RNF13: variants seen among roughly 807,000 people sequenced by gnomAD.
The protein encoded by RNF13 is E3 ubiquitin-protein ligase RNF13.
In RNF13, 19 loss-of-function variants were observed where a neutral mutation model predicts 37.7. That is an observed-to-expected ratio of 0.50 (90% CI 0.35 to 0.74). RNF13 has a LOEUF of 0.74. Among genes scored for constraint, RNF13 ranks in the 30% least tolerant of loss-of-function variants. The pLI, the probability that RNF13 is intolerant of heterozygous loss-of-function variation, is 0.01. For missense variants in RNF13, 375 were observed against 453.0 expected (o/e 0.83, Z 1.56); for synonymous variants, 144 against 157.8 (o/e 0.91, Z 0.65).
At chr3:149,875,033 T>TCA (rs1712527390) in intron 4 of RNF13, among the ~76,000 whole-genome samples, 1 of 152,148 alleles carries the variant, frequency 6.6e-6, no homozygotes, top group African/African-American at 2.4e-5. Context: ...CAGTAGTGGT[T>TCA]CATTCATGTA....
intron 8 of RNF13, among the ~76,000 whole-genome samples, chr3:149,938,489 T>A (rs1719931513): frequency 6.8e-6 from 1 of 146,050 alleles, no homozygotes; most frequent in African/African-American, 2.5e-5. Flanking sequence ...TTATTATTAT[T>A]TTTTTTTTTT....
chr3:149,869,387 C>T (rs1711729955), intron 3 of RNF13, among the ~76,000 whole-genome samples: 1 of 151,756 alleles, frequency 6.6e-6, no homozygotes, highest in South Asian at 2.1e-4. Flanking sequence ...GGGCGGATCA[C>T]AAGGTCAGGA....
intron 3 of RNF13, among the ~76,000 whole-genome samples, chr3:149,862,930 A>T (rs1165106712): frequency 1.3e-5 from 2 of 152,206 alleles, no homozygotes; most frequent in Non-Finnish European, 2.9e-5. Flanking sequence ...AAAATAATTC[A>T]TTATATTTTA....
intron 8 of RNF13, among the ~76,000 whole-genome samples, chr3:149,929,914 G>A (rs972206795): frequency 5.9e-5 from 9 of 152,036 alleles, no homozygotes; most frequent in African/African-American, 2.2e-4. Context: ...ACACCGCCTT[G>A]ATTACTGTAC....
chr3:149,927,212 G>C (rs1718740909), intron 8 of RNF13, among the ~76,000 whole-genome samples: 1 of 152,078 alleles, frequency 6.6e-6, no homozygotes, highest in African/African-American at 2.4e-5. Flanking sequence ...GACTACTGTA[G>C]GTACCTCACG....
At chr3:149,947,274 A>G (rs1027424363) in intron 8 of RNF13, among the ~76,000 whole-genome samples, 4 of 151,996 alleles carry the variant, frequency 2.6e-5, no homozygotes, top group Admixed American at 1.3e-4. Context: ...GTTAGTTCCA[A>G]TTGGTCTAAA....
intron 7 of RNF13, among the ~76,000 whole-genome samples, chr3:149,914,767 G>A (rs780526343): frequency 1.6e-4 from 24 of 151,816 alleles, no homozygotes; most frequent in Admixed American, 1.3e-3. Context: ...GTGAAACCGC[G>A]TCTCTACTAA....
intron 1 of RNF13, among the ~76,000 whole-genome samples, chr3:149,824,666 CT>C (rs549476269): frequency 5.7e-4 from 80 of 139,206 alleles, no homozygotes; most frequent in South Asian, 6.8e-4. Flanking sequence ...TCCTTTGGGG[CT>C]TTTTTTTTTT....
chr3:149,960,726 T>C lies in RNF13; in HGVS notation c.782-14T>C, dbSNP rs776616366. The C allele has an allele frequency of 5.7e-6, 9 of 1,585,488 alleles. No homozygotes were observed. The highest frequency in any genetic ancestry group is 4.1e-5 in the African/African-American group (3 of 73,314). Reference sequence around the variant, plus strand: ...GCAGCATACTAACTAAAGATGTATATTTTGCTTCAACAGCTTATCACTGCA... The same window carrying C: ...GCAGCATACTAACTAAAGATGTATACTTTGCTTCAACAGCTTATCACTGCA... On this transcript the variant is annotated splice_polypyrimidine_tract_variant and intron_variant, in intron 9 of 9. Transcript: ENST00000392894.
intron 1 of RNF13, among the ~76,000 whole-genome samples, chr3:149,830,173 T>G (rs1401293718): frequency 3.6e-5 from 3 of 83,482 alleles, no homozygotes; most frequent in Non-Finnish European, 7.0e-5. Context: ...GCTATTAAGA[T>G]ACCAGAAAAC....
intron 2 of RNF13, among the ~76,000 whole-genome samples, chr3:149,850,014 G>A (rs1722988718): frequency 6.7e-6 from 1 of 148,524 alleles, no homozygotes; most frequent in South Asian, 2.1e-4. Flanking sequence ...GAGTCTTGCT[G>A]TGTTGCCCAA....
intron 1 of RNF13, among the ~76,000 whole-genome samples, chr3:149,826,351 A>G (rs1392075898): frequency 1.3e-5 from 2 of 152,216 alleles, no homozygotes; most frequent in African/African-American, 4.8e-5. Context: ...TCTTTTGAGT[A>G]TAATTAAAGG....
At chr3:149,938,488 T>TTA (rs1057291851) in intron 8 of RNF13, among the ~76,000 whole-genome samples, 76 of 134,928 alleles carry the variant, frequency 5.6e-4, no homozygotes, top group African/African-American at 2.3e-3. Flanking sequence ...GTTATTATTA[T>TTA]TTTTTTTTTT....
Position 149,821,804 on chromosome 3 carries a change from C to T in RNF13, c.-17+8451C>T, listed in dbSNP as rs138206690. Among the ~76,000 whole-genome samples the T allele has an allele frequency of 2.8e-3, 429 of 152,208 alleles. 2 individuals are homozygous for T. Among genetic ancestry groups the T allele is most frequent in the African/African-American group, 9.9e-3 (410 of 41,536 alleles). On this transcript the variant is annotated intron_variant, in intron 1 of 9. Coordinates refer to ENST00000392894, the MANE Select transcript of RNF13 (RefSeq NM_183381.3). ...ATAATTTTACTCCTTATATTTAGGTCACTGATTCATTTTGTGTTAATTGTT... is the reference window on the plus strand; with the variant it reads ...ATAATTTTACTCCTTATATTTAGGTTACTGATTCATTTTGTGTTAATTGTT...
In RNF13 at chr3:149,926,460, T is replaced by C. The variant is rs1181797950; in HGVS notation, c.700+5233T>C. On this transcript the variant is annotated intron_variant, in intron 8 of 9. Coordinates refer to ENST00000392894, the MANE Select transcript of RNF13 (RefSeq NM_183381.3). Reference sequence around the variant, plus strand: ...CTCCTGACCTCATGATCTGCCCACCTTGGCCTCCCAAAGTGCTGGGATTAC... The same window carrying C: ...CTCCTGACCTCATGATCTGCCCACCCTGGCCTCCCAAAGTGCTGGGATTAC... Among the ~76,000 whole-genome samples the C allele has an allele frequency of 2.6e-5, 4 of 152,172 alleles. No homozygotes were observed. In the East Asian group the frequency reaches 5.8e-4, roughly 22 times the overall value.
chr3:149,947,469 A>G (rs1352008345), intron 8 of RNF13, among the ~76,000 whole-genome samples: 4 of 151,508 alleles, frequency 2.6e-5, no homozygotes, highest in Admixed American at 6.6e-5. Flanking sequence ...AAGTGGTGCA[A>G]TCTTGGCTCA....
chr3:149,955,536 G>GA (rs1390406947), intron 8 of RNF13, among the ~76,000 whole-genome samples: 2 of 151,882 alleles, frequency 1.3e-5, no homozygotes, highest in African/African-American at 4.8e-5. Flanking sequence ...TTATTTGCTA[G>GA]AAAAAAAGCT....
At chr3:149,845,882 T>G (rs1036474968) in intron 1 of RNF13, 129 bp from the exon 2 acceptor site, 3 of 556,576 alleles carry the variant, frequency 5.4e-6, no homozygotes, top group Non-Finnish European at 9.5e-6. Context: ...AATAAAAGCT[T>G]TACTTTTAAT....
intron 8 of RNF13, among the ~76,000 whole-genome samples, chr3:149,937,608 A>T (rs370652660): frequency 6.6e-6 from 1 of 151,998 alleles, no homozygotes; most frequent in East Asian, 1.9e-4. Context: ...ACAAATTTTG[A>T]TATGTTGTAT....
Sources: allele counts gnomAD v4.1 joint callset (sites outside exome capture counted in the v4.1 genomes callset), GRCh38; gene constraint gnomAD v4.1.1; transcripts MANE v1.5; gene names NCBI Gene and HGNC (gene_info 2026-07-23, HGNC 2026-07-21).